Variants in SDK1 observed in about 807,000 individuals in gnomAD.
SDK1 encodes the protein sidekick cell adhesion molecule 1, also known as protein sidekick-1.
A neutral mutation model predicts 245.5 loss-of-function variants in SDK1; 157 were observed. That is an observed-to-expected ratio of 0.64 (90% confidence interval 0.56 to 0.73). SDK1 has a LOEUF of 0.73. SDK1 is among the 30% of genes least tolerant of loss of function. The pLI is 0.00. For synonymous variants in SDK1, 1,647 were observed against 1,278.5 expected (o/e 1.29, Z -6.15); for missense variants, 3,583 against 3,002.3 (o/e 1.19, Z -4.52).
chr7:4,196,552 A>C (rs554916826), intron 35 of SDK1, among the ~76,000 whole-genome samples: 1 of 151,688 alleles, frequency 6.6e-6, no homozygotes, highest in Non-Finnish European at 1.5e-5. Flanking sequence ...CCACGCCGTA[A>C]CTCTCCTCTC....
rs115945532 is a variant in SDK1, at chr7:3,640,352, C to T, written c.565+1242C>T. On this transcript the variant is annotated intron_variant, in intron 3 of 44. Coordinates refer to ENST00000404826, the MANE Select transcript of SDK1 (RefSeq NM_152744.4). ...TTTTAACCCCAATTAAGTCTTGTAG[C>T]TTTCAGTGTGAGTAGATGAAATAAA... Among the ~76,000 whole-genome samples, 182 of 152,272 alleles carry T rather than the reference C, an allele frequency of 1.2e-3. 1 individual carries two copies. Among genetic ancestry groups the T allele is most frequent in the African/African-American group, 4.3e-3 (177 of 41,550 alleles).
At chr7:4,103,997 C>CA (rs962582251) in intron 22 of SDK1, among the ~76,000 whole-genome samples, 3 of 152,354 alleles carry the variant, frequency 2.0e-5, no homozygotes, top group Non-Finnish European at 4.4e-5. Flanking sequence ...ACTTTATTTA[C>CA]AAAAACAGGA....
intron 4 of SDK1, among the ~76,000 whole-genome samples, chr7:3,727,492 G>A (rs943943409): frequency 2.6e-5 from 4 of 152,004 alleles, no homozygotes; most frequent in East Asian, 1.9e-4. Context: ...GCCAGGGAGA[G>A]AATTTTCTTT....
At chr7:3,374,325 G>C (rs1781300877) in intron 1 of SDK1, among the ~76,000 whole-genome samples, 1 of 152,164 alleles carries the variant, frequency 6.6e-6, no homozygotes, top group Non-Finnish European at 1.5e-5. Context: ...CCCCCAAGCT[G>C]TGCACAGGAG....
chr7:3,643,824 C>T (rs1782734228), intron 4 of SDK1: 2 of 151,364 alleles, frequency 1.3e-5, no homozygotes, highest in African/African-American at 2.4e-5. Context: ...CTCCAGTCTT[C>T]TAGTTCTGGA....
At chr7:4,110,813 G>A (rs772428395) in intron 23 of SDK1, 41 bp downstream of exon 23, 15 of 1,394,334 alleles carry the variant, frequency 1.1e-5, no homozygotes, top group Non-Finnish European at 1.5e-5. Context: ...AGGAAACACT[G>A]GCAGCCCAGG....
chr7:3,895,235 T>G (rs563501398), intron 5 of SDK1, among the ~76,000 whole-genome samples: 8 of 152,242 alleles, frequency 5.3e-5, no homozygotes, highest in African/African-American at 1.9e-4. Context: ...ATTCTTATAT[T>G]TATTTATTGG....
At chr7:3,540,749 C>G (rs981428130) in intron 1 of SDK1, among the ~76,000 whole-genome samples, 6 of 152,260 alleles carry the variant, frequency 3.9e-5, no homozygotes, top group South Asian at 4.1e-4. Context: ...TTCCATAAGG[C>G]TCTGGCAAGA....
At chr7:3,442,515 A>T (rs1562488956) in intron 1 of SDK1, among the ~76,000 whole-genome samples, 1 of 152,214 alleles carries the variant, frequency 6.6e-6, no homozygotes, top group South Asian at 2.1e-4. Context: ...AGTGGAGAAT[A>T]TACATTTTGG....
chr7:4,192,540 G>A (rs1783271783), intron 35 of SDK1, among the ~76,000 whole-genome samples: 1 of 152,188 alleles, frequency 6.6e-6, no homozygotes. Context: ...CTCCTGAAGT[G>A]CTGGGATTAC....
chr7:3,759,168 A>C (rs989985854), intron 4 of SDK1, among the ~76,000 whole-genome samples: 1 of 152,186 alleles, frequency 6.6e-6, no homozygotes, highest in South Asian at 2.1e-4. Flanking sequence ...TCCTGCAATA[A>C]TCAGTCAAAT....
chr7:3,782,765 C>T (rs186701707), intron 4 of SDK1, among the ~76,000 whole-genome samples: 2 of 152,082 alleles, frequency 1.3e-5, no homozygotes, highest in East Asian at 1.9e-4. Context: ...TATTAAAATT[C>T]AAAATTTGAA....
At chr7:3,734,704 G>A (rs946923897) in intron 4 of SDK1, among the ~76,000 whole-genome samples, 1 of 152,220 alleles carries the variant, frequency 6.6e-6, no homozygotes, top group Non-Finnish European at 1.5e-5. Context: ...TTTTTGTGAT[G>A]TATGGGACAT....
intron 4 of SDK1, among the ~76,000 whole-genome samples, chr7:3,673,240 A>G (rs1368213358): frequency 2.0e-5 from 3 of 152,196 alleles, no homozygotes; most frequent in Non-Finnish European, 4.4e-5. Context: ...GGAAGTGTAA[A>G]TCCAGAATGA....
At chr7:3,995,576 C>T (rs911302817) in intron 14 of SDK1, among the ~76,000 whole-genome samples, 3 of 152,222 alleles carry the variant, frequency 2.0e-5, no homozygotes, top group African/African-American at 4.8e-5. Flanking sequence ...AACACTAATG[C>T]AACTATCTAG....
At chr7:3,504,448 C>A (rs189636641) in intron 1 of SDK1, among the ~76,000 whole-genome samples, 1 of 152,092 alleles carries the variant, frequency 6.6e-6, no homozygotes, top group African/African-American at 2.4e-5. Context: ...TGCTGTGGTA[C>A]TGGCATAAAG....
At chr7:3,480,338 C>A (rs568949099) in intron 1 of SDK1, among the ~76,000 whole-genome samples, 2 of 152,174 alleles carry the variant, frequency 1.3e-5, no homozygotes, top group African/African-American at 4.8e-5. Context: ...ATGAAGAAGG[C>A]GCCCTCGTGC....
chr7:3,899,660 A>G (rs1186690871), intron 5 of SDK1, among the ~76,000 whole-genome samples: 2 of 152,216 alleles, frequency 1.3e-5, no homozygotes, highest in Non-Finnish European at 2.9e-5. Flanking sequence ...AAGCTGCACC[A>G]GCTCCACAGG....
chr7:3,830,579 T>C (rs1032730539), intron 5 of SDK1, among the ~76,000 whole-genome samples: 1 of 152,172 alleles, frequency 6.6e-6, no homozygotes, highest in Non-Finnish European at 1.5e-5. Flanking sequence ...CACCACAGTC[T>C]CAACCTCCTG....
Sources: gnomAD v4.1 joint callset for allele counts (sites outside exome capture counted in the v4.1 genomes callset) on GRCh38, gnomAD v4.1.1 for gene constraint, MANE v1.5 for transcripts, NCBI Gene and HGNC (gene_info 2026-07-23, HGNC 2026-07-21) for gene names.